Variants in NEIL2 observed in about 807,000 individuals in gnomAD.
NEIL2 encodes nei like DNA glycosylase 2.
NEIL2 carries 23 observed loss-of-function variants against 22.2 expected under a neutral mutation model. That is an observed-to-expected ratio of 1.04 (90% CI 0.75 to 1.47). NEIL2 has a LOEUF of 1.47. Among genes scored for constraint, NEIL2 ranks in the 40% most tolerant of loss-of-function variants. The pLI is 0.00. For missense variants in NEIL2, 583 were observed against 404.7 expected (o/e 1.44, Z -3.78); for synonymous variants, 229 against 164.8 (o/e 1.39, Z -2.99).
At position 11,779,826 on chromosome 8, in the gene NEIL2, C is replaced by A. The variant is rs201231951; in HGVS notation, c.367C>A (p.Pro123Thr). ...TTCTGAGTATTTGGAGAGAGACGCC[C>A]CTGCAGGAGATGCTGGGAGGTGGCT... ...DDSEYLERDA[P>T]AGDAGRWLRV... is the part of the protein sequence containing the mutation. Residue 123 changes from proline (P) to threonine (T), a missense_variant, in exon 3 of 5, where the codon CCT becomes ACT. Pro to Thr is a conservative substitution (Grantham distance 38). Coordinates refer to ENST00000284503, the MANE Select transcript of NEIL2 (RefSeq NM_145043.4). The A allele has an allele frequency of 4.8e-4, 776 of 1,614,000 alleles. No homozygotes were observed. The highest frequency in any genetic ancestry group is 1.1e-3 in the South Asian group (96 of 91,082).
intron 3 of NEIL2, among the ~76,000 whole-genome samples, chr8:11,780,208 G>T (rs866991488): frequency 1.3e-5 from 2 of 152,184 alleles, no homozygotes; most frequent in African/African-American, 4.8e-5. Context: ...GGCACTTGAG[G>T]GGGGACTGTC....
At chr8:11,780,387 T>C (rs879257388) in intron 3 of NEIL2, among the ~76,000 whole-genome samples, 1 of 152,206 alleles carries the variant, frequency 6.6e-6, no homozygotes, top group Non-Finnish European at 1.5e-5. Context: ...TGAGTTTTTT[T>C]GCTTTGTTTT....
intron 2 of NEIL2, among the ~76,000 whole-genome samples, chr8:11,774,900 C>T (rs1230136544): frequency 2.6e-5 from 4 of 152,370 alleles, no homozygotes; most frequent in African/African-American, 4.8e-5. Flanking sequence ...TAGACTCCCA[C>T]GGCCTTGGGC....
At chr8:11,780,040 T>A in intron 3 of NEIL2, 90 bp downstream of exon 3, 1 of 1,141,230 alleles carries the variant, frequency 8.8e-7, no homozygotes, top group Non-Finnish European at 1.3e-6. Flanking sequence ...GGGGACATAC[T>A]GAGGACGTCC....
chr8:11,779,543 C>T (rs1804206860), intron 2 of NEIL2, 55 bp from the exon 3 acceptor site: 2 of 1,336,658 alleles, frequency 1.5e-6, no homozygotes, highest in East Asian at 2.3e-5. Flanking sequence ...TATCCGCATT[C>T]CCCAGTTCCC....
rs772443957 is a variant in NEIL2 at position 11,779,625 on chromosome 8, T to C, written c.166T>C (p.Phe56Leu). The change falls in exon 3 of 5, where the codon TTT (phenylalanine) becomes CTT (leucine). Residue 56 changes from phenylalanine (F) to leucine (L), a missense_variant. Physicochemically the swap from Phe to Leu is conservative, Grantham distance 22. Coordinates refer to ENST00000284503, the MANE Select transcript of NEIL2 (RefSeq NM_145043.4). ...CCATGGAAAGAAATTATTCCTTAGA[T>C]TTGATCTAGATGAAGAAATGGGGCC... is the stretch of plus-strand genomic sequence containing the variant. ...QVHGKKLFLRFDLDEEMGPPG... is the reference protein window; with the variant it reads ...QVHGKKLFLRLDLDEEMGPPG... The C allele has an allele frequency of 6.2e-7, 1 of 1,613,206 alleles. No individual in the cohort carries two copies. The highest frequency in any genetic ancestry group is 1.3e-5 in the African/African-American group (1 of 75,022).
intron 2 of NEIL2, among the ~76,000 whole-genome samples, chr8:11,771,858 A>G (rs8191534): frequency 6.6e-6 from 1 of 152,030 alleles, no homozygotes; most frequent in East Asian, 1.9e-4. Context: ...GCTGATGGGC[A>G]CCTTTGGCTG....
At position 11,784,040 on chromosome 8, in the gene NEIL2, T is replaced by C. The variant is rs1244893133; in HGVS notation, c.688+641T>C. Among the ~76,000 whole-genome samples, 4 of 137,078 alleles carry C rather than the reference T, an allele frequency of 2.9e-5. No homozygotes were observed. The Admixed American group carries it at 3.0e-4, about 10-fold the overall frequency. 89.9% of individuals were successfully genotyped at this position (137,078 alleles called of 152,430 possible). A position where few individuals can be genotyped will look rare whatever the true frequency, so the allele number is the denominator to read the frequency against. On this transcript the variant is annotated intron_variant, in intron 4 of 4. Transcript: ENST00000284503. The stretch of plus-strand genomic sequence containing the variant: ...GCGGGACTATGACAGCGTGGCGTTC[T>C]TATTACTCACAGTAGGGGAATAATT...
chr8:11,781,047 TC>T, intron 3 of NEIL2, among the ~76,000 whole-genome samples: 1 of 152,348 alleles, frequency 6.6e-6, no homozygotes, highest in East Asian at 1.9e-4. Flanking sequence ...TGGGTATTTT[TC>T]TTGGTTGCTT....
chr8:11,782,383 C>G (rs1804503384), intron 3 of NEIL2, among the ~76,000 whole-genome samples: 1 of 152,130 alleles, frequency 6.6e-6, no homozygotes, highest in African/African-American at 2.4e-5. Context: ...CAAGATAGTG[C>G]CACTGCACTC....
intron 1 of NEIL2, 100 bp from the exon 2 acceptor site, chr8:11,771,346 G>A (rs1803416485): frequency 2.7e-6 from 4 of 1,480,178 alleles, no homozygotes; most frequent in South Asian, 2.3e-5. Flanking sequence ...AAGTTAGTTG[G>A]CAGCAAAAAT....
intron 1 of NEIL2, among the ~76,000 whole-genome samples, chr8:11,771,206 G>A (rs1262612285): frequency 6.6e-6 from 1 of 152,144 alleles, no homozygotes; most frequent in Non-Finnish European, 1.5e-5. Context: ...CTTAATAAGT[G>A]TTTGCTGCAT....
intron 2 of NEIL2, among the ~76,000 whole-genome samples, chr8:11,773,293 C>G (rs1803631448): frequency 6.6e-6 from 1 of 152,076 alleles, no homozygotes; most frequent in African/African-American, 2.4e-5. Context: ...GAGCTGCTTT[C>G]CCAGTAAACC....
chr8:11,779,059 CT>C (rs1405734399), intron 2 of NEIL2, among the ~76,000 whole-genome samples: 4 of 148,984 alleles, frequency 2.7e-5, no homozygotes, highest in African/African-American at 4.9e-5. Context: ...TTGCCTTATA[CT>C]TTTTAGAGTG....
intron 2 of NEIL2, among the ~76,000 whole-genome samples, chr8:11,779,146 A>G (rs1245979716): frequency 6.6e-6 from 1 of 152,052 alleles, no homozygotes; most frequent in Non-Finnish European, 1.5e-5. Context: ...CAAGTCCAAT[A>G]TGCTGGTGGA....
intron 3 of NEIL2, among the ~76,000 whole-genome samples, chr8:11,781,752 C>G (rs901975484): frequency 6.6e-6 from 1 of 152,074 alleles, no homozygotes; most frequent in Non-Finnish European, 1.5e-5. Flanking sequence ...CTTTGTTGGT[C>G]TTTGAAATAA....
rs112549959 is a variant in NEIL2 at position 11,783,344 on chromosome 8, C to T, written c.633C>T (p.Gly211=). The T allele has an allele frequency of 8.9e-4, 1,429 of 1,614,168 alleles. 12 individuals are homozygous for T. The African/African-American group carries it at 0.017, about 19-fold the overall frequency. The change falls in exon 4 of 5, where the codon GGC becomes GGT. Residue 211 remains glycine, a synonymous_variant. Transcript: ENST00000284503. The stretch of plus-strand genomic sequence containing the variant: ...GAGGACAAGCCTTAGAAGCTCTAGG[C>T]CAGGCTCAGCCTGTCTGCTATACAC... ...FHRGQALEAL[G]QAQPVCYTLL... is the part of the protein sequence containing the mutation.
chr8:11,774,846 C>G (rs8191571), intron 2 of NEIL2, among the ~76,000 whole-genome samples: 3,307 of 152,340 alleles, frequency 0.022, 120 homozygotes, highest in African/African-American at 0.076. Context: ...CCAAAATGAT[C>G]TTTGACTCCA....
chr8:11,779,558 C>G (rs753860808), intron 2 of NEIL2, 40 bp from the exon 3 acceptor site: 5 of 1,465,148 alleles, frequency 3.4e-6, no homozygotes, highest in African/African-American at 2.8e-5. Context: ...GTTCCCCTCT[C>G]TGGGTCTGTA....
Sources: gnomAD v4.1 joint callset for allele counts (sites outside exome capture counted in the v4.1 genomes callset) on GRCh38, gnomAD v4.1.1 for gene constraint, MANE v1.5 for transcripts, NCBI Gene and HGNC (gene_info 2026-07-23, HGNC 2026-07-21) for gene names.